SDK1: variants seen among roughly 807,000 people sequenced by gnomAD.
SDK1 encodes the protein sidekick cell adhesion molecule 1.
In SDK1, 157 loss-of-function variants were observed where a neutral mutation model predicts 245.5. That is an observed-to-expected ratio of 0.64 (90% CI 0.56 to 0.73). SDK1 has a LOEUF of 0.73. SDK1 is among the 30% of genes least tolerant of loss of function. The pLI is 0.00. For missense variants in SDK1, 3,583 were observed against 3,002.3 expected (o/e 1.19, Z -4.52); for synonymous variants, 1,647 against 1,278.5 (o/e 1.29, Z -6.15).
chr7:3,361,915 A>C (rs1032028528), intron 1 of SDK1, among the ~76,000 whole-genome samples: 24 of 152,334 alleles, frequency 1.6e-4, no homozygotes, highest in African/African-American at 5.3e-4. Flanking sequence ...TTTAAGTACT[A>C]TATATCTAAG....
chr7:4,153,532 G>A (rs1425824496), intron 30 of SDK1, among the ~76,000 whole-genome samples: 3 of 152,196 alleles, frequency 2.0e-5, no homozygotes, highest in Non-Finnish European at 2.9e-5. Context: ...ATTGCAGTGA[G>A]CTGAGATCAT....
At chr7:4,097,101 T>C (rs1227133135) in intron 22 of SDK1, among the ~76,000 whole-genome samples, 1 of 152,206 alleles carries the variant, frequency 6.6e-6, no homozygotes, top group Non-Finnish European at 1.5e-5. Flanking sequence ...GCACACTGGT[T>C]CCCAGGCTTC....
chr7:3,515,316 A>G (rs1404831589), intron 1 of SDK1, among the ~76,000 whole-genome samples: 2 of 152,176 alleles, frequency 1.3e-5, no homozygotes, highest in Non-Finnish European at 2.9e-5. Flanking sequence ...TTGTGTCTAT[A>G]TTAAATTCAG....
chr7:3,830,015 C>G (rs1436387265), intron 5 of SDK1, among the ~76,000 whole-genome samples: 1 of 152,222 alleles, frequency 6.6e-6, no homozygotes, highest in Admixed American at 6.5e-5. Flanking sequence ...GTTTTGTTAT[C>G]AGTAATGCAT....
chr7:3,935,614 C>A (rs934830570), intron 5 of SDK1, among the ~76,000 whole-genome samples: 4 of 152,104 alleles, frequency 2.6e-5, no homozygotes, highest in African/African-American at 9.7e-5. Flanking sequence ...GACTGGTAAG[C>A]ACATGAAAAA....
intron 5 of SDK1, among the ~76,000 whole-genome samples, chr7:3,890,217 G>C (rs1781428001): frequency 6.6e-6 from 1 of 152,196 alleles, no homozygotes; most frequent in Non-Finnish European, 1.5e-5. Flanking sequence ...TTCTAGTCTA[G>C]AGAATTACTC....
intron 1 of SDK1, among the ~76,000 whole-genome samples, chr7:3,457,669 C>T (rs527266163): frequency 6.6e-6 from 1 of 152,250 alleles, no homozygotes; most frequent in East Asian, 1.9e-4. Flanking sequence ...CTTATTATTT[C>T]CTTTTCCTTT....
chr7:4,265,953 C>G lies in SDK1; in HGVS notation c.*569C>G. ...CTGAAATGTTCTCACTTGGCAGTGT[C>G]TAGTCAAGGAGTCGGCTTTCAGGTT... On this transcript the variant is annotated 3_prime_UTR_variant, in exon 45 of 45. Coordinates refer to ENST00000404826, the MANE Select transcript of SDK1 (RefSeq NM_152744.4). The G allele has an allele frequency of 1.0e-6, 1 of 985,652 alleles. No homozygotes were observed. Among genetic ancestry groups the G allele is most frequent in the South Asian group, 4.7e-5 (1 of 21,298 alleles). 61.1% of individuals were successfully genotyped at this position (985,652 alleles called of 1,614,324 possible). A position where few individuals can be genotyped will look rare whatever the true frequency, so the allele number is the denominator to read the frequency against.
intron 1 of SDK1, among the ~76,000 whole-genome samples, chr7:3,454,423 T>TGTGC (rs1554273965): frequency 2.3e-4 from 34 of 150,152 alleles, no homozygotes; most frequent in African/African-American, 7.4e-4. Flanking sequence ...TGTGTGTGTG[T>TGTGC]GCTGTGTACA....
chr7:4,082,588 C>CT (rs1781127955), intron 22 of SDK1, among the ~76,000 whole-genome samples: 1 of 150,866 alleles, frequency 6.6e-6, no homozygotes, highest in African/African-American at 2.4e-5. Context: ...ATATGGATGT[C>CT]TTTTCTCATG....
At chr7:3,319,302 C>T (rs1409208029) in intron 1 of SDK1, among the ~76,000 whole-genome samples, 1 of 152,114 alleles carries the variant, frequency 6.6e-6, no homozygotes, top group Non-Finnish European at 1.5e-5. Flanking sequence ...TTGACACAAG[C>T]TGTCATGCTT....
chr7:3,623,012 C>CAT (rs1030369166), intron 2 of SDK1, among the ~76,000 whole-genome samples: 2 of 151,910 alleles, frequency 1.3e-5, no homozygotes, highest in Non-Finnish European at 2.9e-5. Context: ...TGTTAGCCTT[C>CAT]ATGAGACCTT....
intron 14 of SDK1, among the ~76,000 whole-genome samples, chr7:4,003,437 C>T (rs1175703501): frequency 6.6e-6 from 1 of 152,240 alleles, no homozygotes; most frequent in African/African-American, 2.4e-5. Flanking sequence ...TTGTTCACTG[C>T]AGTCACTGCC....
chr7:3,978,060 C>T (rs1783106431), intron 13 of SDK1, among the ~76,000 whole-genome samples: 1 of 152,128 alleles, frequency 6.6e-6, no homozygotes. Flanking sequence ...TGCCTCTTTC[C>T]TCCTTCCTTT....
At chr7:4,069,703 T>C (rs930536) in intron 20 of SDK1, among the ~76,000 whole-genome samples, 3 of 152,156 alleles carry the variant, frequency 2.0e-5, no homozygotes, top group African/African-American at 7.2e-5. Flanking sequence ...GCTGCAGGGT[T>C]GGGGGCCGTT....
chr7:3,485,683 G>GT (rs71552309), intron 1 of SDK1, among the ~76,000 whole-genome samples: 5,357 of 38,032 alleles, frequency 0.14, 850 homozygotes, highest in African/African-American at 0.28. Flanking sequence ...TCTTTGGAGG[G>GT]TTTTTTTTTT....
At chr7:3,423,626 G>T (rs984438831) in intron 1 of SDK1, among the ~76,000 whole-genome samples, 5 of 151,766 alleles carry the variant, frequency 3.3e-5, no homozygotes, top group South Asian at 4.2e-4. Context: ...TATAAAGGAG[G>T]TATATTTCCA....
chr7:3,873,609 G>A (rs1194297040), intron 5 of SDK1, among the ~76,000 whole-genome samples: 1 of 152,020 alleles, frequency 6.6e-6, no homozygotes, highest in Non-Finnish European at 1.5e-5. Context: ...TTCTTCCACA[G>A]TGCTTGCATG....
intron 21 of SDK1, 89 bp downstream of exon 21, chr7:4,077,278 G>A: frequency 7.9e-7 from 1 of 1,259,542 alleles, no homozygotes; most frequent in Non-Finnish European, 1.1e-6. Flanking sequence ...TGGTGTGGAA[G>A]CCACTGAGTG....
Sources: allele counts gnomAD v4.1 joint callset (sites outside exome capture counted in the v4.1 genomes callset), GRCh38; gene constraint gnomAD v4.1.1; transcripts MANE v1.5; gene names NCBI Gene and HGNC (gene_info 2026-07-23, HGNC 2026-07-21).